CAMK4: variants seen among roughly 807,000 people sequenced by gnomAD.
The protein encoded by CAMK4 is calcium/calmodulin-dependent protein kinase type IV.
Under a neutral mutation model 44.9 loss-of-function variants are expected in CAMK4, and 22 were observed. That is an observed-to-expected ratio of 0.49 (90% CI 0.35 to 0.70). CAMK4 has a LOEUF of 0.70. Ranked by LOEUF, CAMK4 falls within the 30% of genes least tolerant of loss-of-function variation. CAMK4 has a pLI of 0.01. For synonymous variants in CAMK4, 218 were observed against 215.4 expected (o/e 1.01, Z -0.11); for missense variants, 498 against 586.8 (o/e 0.85, Z 1.56).
chr5:111,450,156 T>TA (rs956134638), intron 7 of CAMK4, among the ~76,000 whole-genome samples: 146 of 150,276 alleles, frequency 9.7e-4, no homozygotes, highest in African/African-American at 3.1e-3. Flanking sequence ...CTATCTCTAC[T>TA]AAAAAAAAAT....
chr5:111,232,214 T>C (rs1303733615), intron 1 of CAMK4, among the ~76,000 whole-genome samples: 2 of 152,238 alleles, frequency 1.3e-5, no homozygotes, highest in African/African-American at 2.4e-5. Flanking sequence ...TCCAAGTGCA[T>C]AGGGTACTAC....
intron 2 of CAMK4, among the ~76,000 whole-genome samples, chr5:111,355,301 C>G (rs554875357): frequency 1.3e-5 from 2 of 152,076 alleles, no homozygotes; most frequent in African/African-American, 2.4e-5. Flanking sequence ...CAGTTTGTGA[C>G]AAGAATATGT....
At chr5:111,351,428 A>T (rs2112771611) in intron 2 of CAMK4, among the ~76,000 whole-genome samples, 1 of 149,636 alleles carries the variant, frequency 6.7e-6, no homozygotes, top group East Asian at 2.0e-4. Context: ...TTTTTGAGAC[A>T]GAGTTTCGCT....
chr5:111,354,676 A>G (rs1185421494), intron 2 of CAMK4, among the ~76,000 whole-genome samples: 1 of 152,072 alleles, frequency 6.6e-6, no homozygotes, highest in African/African-American at 2.4e-5. Flanking sequence ...CAGCCTGGGC[A>G]ACAGAGCGAG....
chr5:111,400,549 A>G (rs2112873677), intron 5 of CAMK4, among the ~76,000 whole-genome samples: 1 of 152,138 alleles, frequency 6.6e-6, no homozygotes, highest in Admixed American at 6.5e-5. Flanking sequence ...ATATCTTGCA[A>G]TCCCTCCCTC....
At chr5:111,442,549 C>G (rs1050504953) in intron 5 of CAMK4, among the ~76,000 whole-genome samples, 1 of 149,520 alleles carries the variant, frequency 6.7e-6, no homozygotes, top group Non-Finnish European at 1.5e-5. Flanking sequence ...TATATACACA[C>G]ACACACATAC....
chr5:111,376,988 C>T (rs780266988), intron 4 of CAMK4, 46 bp downstream of exon 4: 2 of 1,226,516 alleles, frequency 1.6e-6, no homozygotes, highest in East Asian at 2.4e-5. Flanking sequence ...TTGCTTTTGG[C>T]CACCAAAAAA....
chr5:111,239,307 A>G (rs73786838), intron 1 of CAMK4, among the ~76,000 whole-genome samples: 1 of 151,998 alleles, frequency 6.6e-6, no homozygotes, highest in South Asian at 2.1e-4. Flanking sequence ...GCTTGGTTTT[A>G]TTGGATTTTT....
intron 5 of CAMK4, among the ~76,000 whole-genome samples, chr5:111,402,719 T>G (rs1752276293): frequency 6.6e-6 from 1 of 152,196 alleles, no homozygotes; most frequent in Non-Finnish European, 1.5e-5. Context: ...TCATGAGTTT[T>G]GGGAAAAATT....
intron 5 of CAMK4, among the ~76,000 whole-genome samples, chr5:111,401,344 G>A (rs1242297019): frequency 6.6e-6 from 1 of 152,084 alleles, no homozygotes; most frequent in Non-Finnish European, 1.5e-5. Context: ...TCACTATGTA[G>A]GCCAGGCTGT....
intron 1 of CAMK4, among the ~76,000 whole-genome samples, chr5:111,326,742 G>A (rs547246163): frequency 2.6e-5 from 4 of 151,742 alleles, no homozygotes; most frequent in African/African-American, 9.7e-5. Context: ...ATAAGGACGA[G>A]GCTAAGCAGT....
chr5:111,378,930 T>C (rs960163716), intron 4 of CAMK4, among the ~76,000 whole-genome samples: 3 of 152,168 alleles, frequency 2.0e-5, no homozygotes, highest in Non-Finnish European at 4.4e-5. Context: ...AAGAGTCTCC[T>C]GGCCTAGCTA....
chr5:111,364,274 T>G (rs1750707910), intron 2 of CAMK4, among the ~76,000 whole-genome samples: 1 of 152,036 alleles, frequency 6.6e-6, no homozygotes, highest in South Asian at 2.1e-4. Context: ...GAGAAAAAAG[T>G]GCTGGGTAAA....
At chr5:111,355,514 T>TTTATTTATTTATTTA (rs1561434917) in intron 2 of CAMK4, among the ~76,000 whole-genome samples, 2 of 42,436 alleles carry the variant, frequency 4.7e-5, no homozygotes, top group Non-Finnish European at 9.9e-5. Flanking sequence ...TTATTTATTT[T>TTTATTTATTTATTTA]ATTATACTTT....
intron 1 of CAMK4, among the ~76,000 whole-genome samples, chr5:111,316,772 C>T (rs961757615): frequency 6.6e-6 from 1 of 152,120 alleles, no homozygotes; most frequent in African/African-American, 2.4e-5. Flanking sequence ...CAGGAGCAAG[C>T]AATCTATAAT....
chr5:111,279,828 C>T (rs1264944039), intron 1 of CAMK4, among the ~76,000 whole-genome samples: 1 of 152,070 alleles, frequency 6.6e-6, no homozygotes, highest in Non-Finnish European at 1.5e-5. Context: ...TCCTTTGTGC[C>T]TGCCCCTGGG....
At chr5:111,270,162 TGAG>T (rs1364366272) in intron 1 of CAMK4, 2 of 152,258 alleles carry the variant, frequency 1.3e-5, no homozygotes, top group African/African-American at 2.4e-5. Flanking sequence ...CATGATTTTC[TGAG>T]GAGAAGTGAA....
At chr5:111,467,373 CAAAAAAAAA>C (rs34201915) in intron 7 of CAMK4, among the ~76,000 whole-genome samples, 1 of 49,506 alleles carries the variant, frequency 2.0e-5, no homozygotes. Context: ...TTCTGCATAG[CAAAAAAAAA>C]AAAAAAAAAA....
intron 1 of CAMK4, among the ~76,000 whole-genome samples, chr5:111,334,634 A>T (rs950373334): frequency 6.6e-6 from 1 of 151,596 alleles, no homozygotes; most frequent in Non-Finnish European, 1.5e-5. Context: ...CAAGTCAATC[A>T]TGTAAGAGTA....
Sources: gnomAD v4.1 joint callset for allele counts (sites outside exome capture counted in the v4.1 genomes callset) on GRCh38, gnomAD v4.1.1 for gene constraint, MANE v1.5 for transcripts, NCBI Gene and HGNC (gene_info 2026-07-23, HGNC 2026-07-21) for gene names.